Variants in SLC24A2 observed in about 807,000 individuals in gnomAD.
SLC24A2 encodes solute carrier family 24 member 2, also known as sodium/potassium/calcium exchanger 2.
A neutral mutation model predicts 62.0 loss-of-function variants in SLC24A2; 36 were observed. The observed-to-expected ratio is 0.58, with a 90% CI of 0.44 to 0.77. The LOEUF (loss-of-function observed/expected upper bound fraction) is 0.77. Among genes scored for constraint, SLC24A2 ranks in the 30% least tolerant of loss-of-function variants. The pLI is 0.00. For missense variants in SLC24A2, 846 were observed against 817.9 expected, an observed-to-expected ratio of 1.03 and a Z score of -0.42; for synonymous variants, 358 against 294.0, an observed-to-expected ratio of 1.22 and a Z score of -2.23.
At chr9:19,727,562 C>T (rs2118688190) in intron 2 of SLC24A2, among the ~76,000 whole-genome samples, 2 of 152,292 alleles carry the variant, frequency 1.3e-5, no homozygotes, top group Middle Eastern at 3.4e-3. Context: ...AGCTCAGACA[C>T]TTAGAACAAT....
At chr9:20,142,303 CAA>C in the SLC24A2 span, among the ~76,000 whole-genome samples, 3 of 152,002 alleles carry the variant, frequency 2.0e-5, no homozygotes, top group African/African-American at 7.3e-5. Flanking sequence ...TTTTATTGTA[CAA>C]ATGTCTCTTC....
intron 7 of SLC24A2, among the ~76,000 whole-genome samples, chr9:19,570,121 A>G (rs1196235394): frequency 6.6e-6 from 1 of 152,256 alleles, no homozygotes; most frequent in Non-Finnish European, 1.5e-5. Flanking sequence ...TGTCTGACAC[A>G]TATTAGGTAA....
the SLC24A2 span, among the ~76,000 whole-genome samples, chr9:20,103,535 G>A: frequency 6.6e-6 from 1 of 152,180 alleles, no homozygotes; most frequent in Non-Finnish European, 1.5e-5. Context: ...AGCATTCGTG[G>A]TTTATGAAAA....
the SLC24A2 span, among the ~76,000 whole-genome samples, chr9:20,094,531 T>C: frequency 1.3e-5 from 2 of 152,174 alleles, no homozygotes; most frequent in African/African-American, 4.8e-5. Context: ...TCTAATGAAG[T>C]TTGCAACAAT....
At chr9:20,089,593 C>T in the SLC24A2 span, among the ~76,000 whole-genome samples, 1 of 151,994 alleles carries the variant, frequency 6.6e-6, no homozygotes, top group African/African-American at 2.4e-5. Flanking sequence ...CTCATGACCA[C>T]AGAACAGTCA....
At chr9:19,528,267 C>T in intron 8 of SLC24A2, 129 bp from the exon 9 acceptor site, 2 of 713,698 alleles carry the variant, frequency 2.8e-6, no homozygotes, top group African/African-American at 1.7e-5. Flanking sequence ...GATTGGCAAT[C>T]AAAAGACCCT....
the SLC24A2 span, among the ~76,000 whole-genome samples, chr9:20,183,947 G>C: frequency 3.3e-5 from 5 of 152,112 alleles, no homozygotes; most frequent in African/African-American, 1.2e-4. Context: ...ACATGGTGAA[G>C]AAAACAATCA....
intron 2 of SLC24A2, among the ~76,000 whole-genome samples, chr9:19,714,928 G>A (rs368572964): frequency 9.9e-5 from 15 of 152,196 alleles, no homozygotes; most frequent in East Asian, 9.7e-4. Context: ...GGGTGGGGTG[G>A]AGAGGAAGCA....
the SLC24A2 span, among the ~76,000 whole-genome samples, chr9:20,085,443 G>C: frequency 1.3e-5 from 2 of 152,218 alleles, no homozygotes; most frequent in African/African-American, 4.8e-5. Flanking sequence ...AGGAAAGAGA[G>C]TCAAGAGAAT....
intron 8 of SLC24A2, among the ~76,000 whole-genome samples, chr9:19,531,129 C>A (rs1017969629): frequency 6.6e-6 from 1 of 152,202 alleles, no homozygotes; most frequent in Non-Finnish European, 1.5e-5. Flanking sequence ...CCATGTTGTT[C>A]CTGCTTTGGA....
chr9:19,730,672 T>A (rs916081462), intron 2 of SLC24A2, among the ~76,000 whole-genome samples: 1 of 152,188 alleles, frequency 6.6e-6, no homozygotes, highest in Non-Finnish European at 1.5e-5. Context: ...TACACACATA[T>A]GTATATTGAC....
the SLC24A2 span, among the ~76,000 whole-genome samples, chr9:20,009,630 G>C: frequency 3.9e-5 from 6 of 152,126 alleles, no homozygotes; most frequent in East Asian, 1.2e-3. Flanking sequence ...GGCAACTGTA[G>C]GTCAGTAATG....
the SLC24A2 span, among the ~76,000 whole-genome samples, chr9:19,872,698 C>T: frequency 2.0e-5 from 3 of 152,164 alleles, no homozygotes; most frequent in African/African-American, 4.8e-5. Context: ...TAATATTAAC[C>T]TGTTTCTTAT....
chr9:19,540,422 A>G (rs1188438870), intron 8 of SLC24A2, among the ~76,000 whole-genome samples: 1 of 148,806 alleles, frequency 6.7e-6, no homozygotes. Context: ...ATCTCTCAGC[A>G]TTTGCTTGTC....
chr9:19,977,710 T>C, the SLC24A2 span, among the ~76,000 whole-genome samples: 2 of 152,216 alleles, frequency 1.3e-5, no homozygotes, highest in African/African-American at 4.8e-5. Context: ...TTGTATCTCC[T>C]GTCTTTTGTA....
chr9:19,517,239 G>A (rs905472362), intron 10 of SLC24A2, among the ~76,000 whole-genome samples: 1 of 152,144 alleles, frequency 6.6e-6, no homozygotes, highest in Non-Finnish European at 1.5e-5. Context: ...AGGGAACATG[G>A]GCATTTCCAA....
At chr9:19,588,462 G>C (rs1315563727) in intron 5 of SLC24A2, among the ~76,000 whole-genome samples, 2 of 152,120 alleles carry the variant, frequency 1.3e-5, no homozygotes, top group African/African-American at 4.8e-5. Flanking sequence ...GTGGAAATTG[G>C]AGATTCTGTG....
chr9:19,909,043 T>C, the SLC24A2 span, among the ~76,000 whole-genome samples: 6 of 152,172 alleles, frequency 3.9e-5, no homozygotes, highest in Non-Finnish European at 8.8e-5. Context: ...GTATGTTTAT[T>C]GTGGCACTAT....
intron 2 of SLC24A2, among the ~76,000 whole-genome samples, chr9:19,735,685 AT>A (rs1821486339): frequency 6.6e-6 from 1 of 152,228 alleles, no homozygotes; most frequent in Non-Finnish European, 1.5e-5. Context: ...GCCATAAAAA[AT>A]GATGAGTTCA....
Sources: gnomAD v4.1 joint callset for allele counts (sites outside exome capture counted in the v4.1 genomes callset) on GRCh38, gnomAD v4.1.1 for gene constraint, MANE v1.5 for transcripts, NCBI Gene and HGNC (gene_info 2026-07-23, HGNC 2026-07-21) for gene names.